Variants in CCM2 observed in about 807,000 individuals in gnomAD.
CCM2 encodes CCM2 scaffold protein, also known as cerebral cavernous malformations 2 protein.
In CCM2, 25 loss-of-function variants were observed where a neutral mutation model predicts 44.9. That is an observed-to-expected ratio of 0.56 (90% confidence interval 0.41 to 0.78). The LOEUF (loss-of-function observed/expected upper bound fraction) is 0.78. Among genes scored for constraint, CCM2 ranks in the 30% least tolerant of loss-of-function variants. The probability of loss-of-function intolerance (pLI) is 0.00; values close to 1 mark genes in which losing one functional copy is unlikely to be tolerated. For synonymous variants in CCM2, 219 were observed against 241.1 expected (o/e 0.91, Z 0.85); for missense variants, 481 against 580.6 (o/e 0.83, Z 1.76).
At chr7:45,025,024 A>T (rs936113384) in intron 1 of CCM2, among the ~76,000 whole-genome samples, 1 of 151,920 alleles carries the variant, frequency 6.6e-6, no homozygotes, top group Admixed American at 6.6e-5. Context: ...GTGGCCTTTA[A>T]TTTTTCTCAT....
rs377165391 is a variant in CCM2, at chr7:45,028,292, G to A, written c.31-9961G>A. Among the ~76,000 whole-genome samples, 14 of 152,324 alleles carry A rather than the reference G, an allele frequency of 9.2e-5. No homozygotes were observed. In the East Asian group the frequency reaches 1.2e-3, roughly 13 times the overall value. Reference sequence around the variant, plus strand: ...CCACCGCCAGTGTGGCCTCCTGTGGGCACTAAGGTGCCTATGCCTTTCTCA... The same window carrying A: ...CCACCGCCAGTGTGGCCTCCTGTGGACACTAAGGTGCCTATGCCTTTCTCA... On this transcript the variant is annotated intron_variant, in intron 1 of 9. Coordinates refer to ENST00000258781, the MANE Select transcript of CCM2 (RefSeq NM_031443.4).
At chr7:45,027,336 T>C (rs1430289045) in intron 1 of CCM2, 2 of 360,810 alleles carry the variant, frequency 5.5e-6, no homozygotes, top group East Asian at 1.4e-4. Flanking sequence ...CTCACAGTGC[T>C]TTCTGTCTGC....
At chr7:45,034,141 G>T (rs1797096968) in intron 1 of CCM2, among the ~76,000 whole-genome samples, 1 of 152,096 alleles carries the variant, frequency 6.6e-6, no homozygotes, top group South Asian at 2.1e-4. Context: ...ATAGAGCCAG[G>T]GCCTGGGCAG....
Position 45,000,255 on chromosome 7 carries a change from C to T in CCM2, c.-79C>T, listed in dbSNP as rs1340030092. 2.3e-6 allele frequency: 2 copies of T among 884,790 alleles called. No homozygotes were observed. The highest frequency in any genetic ancestry group is 2.3e-5 in the African/African-American group (1 of 43,282). 54.8% of individuals were successfully genotyped at this position (884,790 alleles called of 1,614,324 possible). ...GCCGGGAGCGCGGGGGCGGCGGGCCCGGGTCGAGCATGTAGCGGCTGCTGG... is the reference window on the plus strand; with the variant it reads ...GCCGGGAGCGCGGGGGCGGCGGGCCTGGGTCGAGCATGTAGCGGCTGCTGG... On this transcript the variant is annotated 5_prime_UTR_variant, in exon 1 of 10. Coordinates refer to ENST00000258781, the MANE Select transcript of CCM2 (RefSeq NM_031443.4).
chr7:45,074,358 G>C lies in CCM2; in HGVS notation c.1004G>C (p.Cys335Ser), dbSNP rs1430378893. 1.2e-6 allele frequency: 2 copies of C among 1,613,768 alleles called. No homozygotes were observed. Among genetic ancestry groups the C allele is most frequent in the Non-Finnish European group, 1.7e-6 (2 of 1,180,032 alleles). ...AATGGGGCCTCTATCCACGAGTTCTGCATCAACCTGCGGCAGCTCTACGGG... is the reference window on the plus strand; with the variant it reads ...AATGGGGCCTCTATCCACGAGTTCTCCATCAACCTGCGGCAGCTCTACGGG... ...YRNGASIHEF[C>S]INLRQLYGDS... is the part of the protein sequence containing the mutation. The change falls in exon 9 of 10, where the codon TGC becomes TCC. Residue 335 changes from cysteine (C) to serine (S), a missense_variant. Cys to Ser is a moderately radical substitution (Grantham distance 112, BLOSUM62 -1). Transcript: ENST00000258781.
intron 4 of CCM2, chr7:45,067,702 G>A (rs1303873551): frequency 6.5e-6 from 1 of 153,032 alleles, no homozygotes; most frequent in Non-Finnish European, 1.5e-5. Flanking sequence ...CTCACTGTGG[G>A]GTTTGAGGTA....
intron 1 of CCM2, among the ~76,000 whole-genome samples, chr7:45,033,257 G>A (rs142414528): frequency 2.6e-5 from 4 of 152,180 alleles, no homozygotes; most frequent in East Asian, 3.9e-4. Flanking sequence ...ACGGGGGAGC[G>A]CCAGAGTCCT....
chr7:45,000,380 G>A lies in CCM2; in HGVS notation c.30+17G>A. Reference sequence around the variant, plus strand: ...GGCAAGAAGGTGAGCGTGCGCGGGGGCGTCCTACTGCTGTGGTCGGCGGGC... The same window carrying A: ...GGCAAGAAGGTGAGCGTGCGCGGGGACGTCCTACTGCTGTGGTCGGCGGGC... On this transcript the variant is annotated intron_variant, in intron 1 of 9. Coordinates refer to ENST00000258781, the MANE Select transcript of CCM2 (RefSeq NM_031443.4). The A allele has an allele frequency of 2.3e-6, 3 of 1,286,624 alleles. No homozygotes were observed. The highest frequency in any genetic ancestry group is 3.0e-6 in the Non-Finnish European group (3 of 1,010,070). 79.7% of individuals were successfully genotyped at this position (1,286,624 alleles called of 1,614,324 possible).
At chr7:45,029,170 G>A (rs1458161216) in intron 1 of CCM2, among the ~76,000 whole-genome samples, 1 of 152,110 alleles carries the variant, frequency 6.6e-6, no homozygotes, top group African/African-American at 2.4e-5. Context: ...TTCCCTGGGG[G>A]CAGGGACGGT....
At chr7:45,075,723 C>T (rs1337660775) in intron 9 of CCM2, 54 bp from the exon 10 acceptor site, 1 of 1,611,122 alleles carries the variant, frequency 6.2e-7, no homozygotes, top group African/African-American at 1.3e-5. Context: ...GAGAGAAGAG[C>T]TGAGTGGGCT....
chr7:45,002,942 A>T (rs1027808711), intron 1 of CCM2, among the ~76,000 whole-genome samples: 2 of 152,058 alleles, frequency 1.3e-5, no homozygotes, highest in Admixed American at 6.6e-5. Context: ...AGTAGAAGTG[A>T]CCACTTGGGG....
intron 2 of CCM2, among the ~76,000 whole-genome samples, chr7:45,056,625 A>C (rs1399190897): frequency 6.7e-6 from 1 of 149,944 alleles, no homozygotes; most frequent in Non-Finnish European, 1.5e-5. Context: ...CCATCTGTGT[A>C]TCTTTAGAGA....
intron 1 of CCM2, among the ~76,000 whole-genome samples, chr7:45,014,425 C>A (rs1050931103): frequency 2.0e-5 from 3 of 151,906 alleles, no homozygotes; most frequent in African/African-American, 7.3e-5. Flanking sequence ...AGGCATGAAC[C>A]ACCGCGCCCG....
At chr7:45,017,005 G>A (rs1259312767) in intron 1 of CCM2, among the ~76,000 whole-genome samples, 2 of 151,896 alleles carry the variant, frequency 1.3e-5, no homozygotes, top group Non-Finnish European at 2.9e-5. Flanking sequence ...TCCTGACCTC[G>A]TGATCCACCT....
At chr7:45,056,763 C>T (rs1440430819) in intron 2 of CCM2, among the ~76,000 whole-genome samples, 1 of 152,140 alleles carries the variant, frequency 6.6e-6, no homozygotes, top group Non-Finnish European at 1.5e-5. Flanking sequence ...TTCTCCCATA[C>T]TGTGGGTTTT....
At chr7:45,064,932 C>T (rs566648348) in intron 4 of CCM2, among the ~76,000 whole-genome samples, 97 of 152,196 alleles carry the variant, frequency 6.4e-4, no homozygotes, top group African/African-American at 2.1e-3. Flanking sequence ...CCTATTGACT[C>T]CCTCTGGGTA....
At chr7:45,051,383 G>GTATTTATTTATTTATTTATT (rs71565942) in intron 2 of CCM2, among the ~76,000 whole-genome samples, 4 of 150,520 alleles carry the variant, frequency 2.7e-5, no homozygotes, top group African/African-American at 7.4e-5. Context: ...GGATGCTTGG[G>GTATTTATTTATTTATTTATT]TATTTATTTA....
intron 5 of CCM2, among the ~76,000 whole-genome samples, chr7:45,069,536 G>A (rs551669155): frequency 6.6e-6 from 1 of 152,346 alleles, no homozygotes; most frequent in South Asian, 2.1e-4. Flanking sequence ...TCAGGTTAAT[G>A]GAAAGAAGAC....
Position 45,044,957 on chromosome 7 carries a change from G to A in CCM2, c.204+6531G>A, listed in dbSNP as rs546702391. Among the ~76,000 whole-genome samples the A allele has an allele frequency of 6.6e-5, 10 of 152,226 alleles. No homozygotes were observed. In the South Asian group the frequency reaches 2.1e-3, roughly 32 times the overall value. On this transcript the variant is annotated intron_variant, in intron 2 of 9. Transcript: ENST00000258781. ...CCAAGATGACTAGAAAAGCCTCTTG[G>A]TTTTACAAAACTAGTTTGGATAGTG...
Sources: allele counts gnomAD v4.1 joint callset (sites outside exome capture counted in the v4.1 genomes callset), GRCh38; gene constraint gnomAD v4.1.1; transcripts MANE v1.5; gene names NCBI Gene and HGNC (gene_info 2026-07-23, HGNC 2026-07-21).